DLGAP2: variants seen among roughly 807,000 people sequenced by gnomAD.
The protein encoded by DLGAP2 is disks large-associated protein 2.
A neutral mutation model predicts 100.3 loss-of-function variants in DLGAP2; 26 were observed. The observed-to-expected ratio is 0.26, with a 90% confidence interval of 0.19 to 0.36. DLGAP2 has a LOEUF of 0.36. DLGAP2 is among the 10% of genes least tolerant of loss of function. The pLI is 1.00. For synonymous variants in DLGAP2, 886 were observed against 630.1 expected, an observed-to-expected ratio of 1.41 and a Z score of -6.08; for missense variants, 1,858 against 1,453.2, an observed-to-expected ratio of 1.28 and a Z score of -4.53.
At chr8:1,193,358 C>T (rs892361454) in intron 2 of DLGAP2, among the ~76,000 whole-genome samples, 5 of 152,270 alleles carry the variant, frequency 3.3e-5, no homozygotes, top group Non-Finnish European at 5.9e-5. Context: ...TTTTAATGAT[C>T]GCCATTCTAA....
At chr8:927,208 G>T in intron 2 of DLGAP2, 1 of 985,414 alleles carries the variant, frequency 1.0e-6, no homozygotes, top group Non-Finnish European at 1.2e-6. Flanking sequence ...AGGTAAGAAC[G>T]CTGTTTATAG....
chr8:1,268,041 A>C (rs542230004), intron 3 of DLGAP2, among the ~76,000 whole-genome samples: 3 of 152,332 alleles, frequency 2.0e-5, no homozygotes, highest in African/African-American at 4.8e-5. Context: ...TGAACATACC[A>C]TCTGGTGTCT....
chr8:1,227,268 A>C (rs940814253), intron 2 of DLGAP2, among the ~76,000 whole-genome samples: 20 of 142,328 alleles, frequency 1.4e-4, no homozygotes, highest in African/African-American at 5.9e-4. Context: ...CAGCCTTATA[A>C]AAATAAGATC....
intron 2 of DLGAP2, among the ~76,000 whole-genome samples, chr8:944,684 T>G (rs998035670): frequency 1.3e-5 from 2 of 151,662 alleles, no homozygotes; most frequent in African/African-American, 4.9e-5. Context: ...CTGCGGGTGA[T>G]CCAGTGGTTG....
chr8:1,510,454 C>T (rs112340890), intron 4 of DLGAP2, among the ~76,000 whole-genome samples: 3,876 of 152,290 alleles, frequency 0.025, 64 homozygotes, highest in Middle Eastern at 0.034. Context: ...TGGGCCACTC[C>T]GTGAAAGTGC....
rs1453271359 is a variant in DLGAP2, at chr8:1,626,757, C to T, written c.1460C>T (p.Ala487Val). Residue 487 changes from alanine (A) to valine (V), a missense_variant, in exon 7 of 15, where the codon GCT becomes GTT. Physicochemically the swap from Ala to Val is moderately conservative, Grantham distance 64 (BLOSUM62 0). Coordinates refer to ENST00000637795, the MANE Select transcript of DLGAP2 (RefSeq NM_001346810.2). The stretch of plus-strand genomic sequence containing the variant: ...TCCTGTAGCCAGACCTACCTGCAAG[C>T]TGCAAGCGATGTGCCTGTGGGACAC... Reference protein sequence around the residue: ...GEHQTQTYLQAASDVPVGHSL... With the variant: ...GEHQTQTYLQVASDVPVGHSL... 6.2e-7 allele frequency: 1 copy of T among 1,603,500 alleles called. No homozygotes were observed. The highest frequency in any genetic ancestry group is 1.7e-5 in the Admixed American group (1 of 58,760).
At chr8:1,447,799 C>T (rs989784647) in intron 3 of DLGAP2, among the ~76,000 whole-genome samples, 14 of 152,188 alleles carry the variant, frequency 9.2e-5, no homozygotes, top group Non-Finnish European at 1.8e-4. Context: ...TCAACTTCTT[C>T]CTGGTTTAGT....
chr8:1,502,005 G>A (rs1458799783), intron 4 of DLGAP2, among the ~76,000 whole-genome samples: 2 of 152,208 alleles, frequency 1.3e-5, no homozygotes, highest in South Asian at 2.1e-4. Flanking sequence ...CTTTTGACAT[G>A]GAGCTATGCT....
intron 2 of DLGAP2, among the ~76,000 whole-genome samples, chr8:945,854 G>C (rs547944047): frequency 3.3e-5 from 5 of 151,526 alleles, no homozygotes; most frequent in Non-Finnish European, 7.4e-5. Flanking sequence ...GTGTCTCTTT[G>C]CCTACATTAA....
rs1802360204 is a variant in DLGAP2 at position 1,565,489 on chromosome 8, A to C, written c.1231-194A>C. ...TCCATAGTGTTTACCTATCACTTAT[A>C]ATGAAGAAAAACCAACATTTTTATA... On this transcript the variant is annotated intron_variant, in intron 5 of 14. Transcript: ENST00000637795. 7 of 552,872 alleles carry C rather than the reference A, an allele frequency of 1.3e-5. No individual in the cohort carries two copies. The South Asian group carries it at 1.9e-4, about 15-fold the overall frequency. The allele number at this position is 552,872 out of a possible 1,614,324, so 34.2% of individuals were successfully genotyped here.
chr8:798,464 A>G (rs28522774), intron 1 of DLGAP2, among the ~76,000 whole-genome samples: 1,932 of 31,636 alleles, frequency 0.061, no homozygotes, highest in Middle Eastern at 0.087. Context: ...CCCGGCGCTG[A>G]CCAGGTGATG....
chr8:1,050,020 A>T (rs1222440840), intron 2 of DLGAP2, among the ~76,000 whole-genome samples: 1 of 152,160 alleles, frequency 6.6e-6, no homozygotes, highest in African/African-American at 2.4e-5. Flanking sequence ...ATGTACACAC[A>T]TGCGGATATG....
rs1009530439 is a variant in DLGAP2 at position 1,637,158 on chromosome 8, G to A, written c.1810+4112G>A. Reference sequence around the variant, plus strand: ...TCCAGGTCCACATACCTCTGACCGGGCCCTTCACCCTCCTATCCTCCTTTC... The same window carrying A: ...TCCAGGTCCACATACCTCTGACCGGACCCTTCACCCTCCTATCCTCCTTTC... On this transcript the variant is annotated intron_variant, in intron 8 of 14. Coordinates refer to ENST00000637795, the MANE Select transcript of DLGAP2 (RefSeq NM_001346810.2). Among the ~76,000 whole-genome samples the A allele has an allele frequency of 2.0e-5, 3 of 152,192 alleles. No homozygotes were observed. In the East Asian group the frequency reaches 5.8e-4, roughly 29 times the overall value.
At chr8:1,318,648 G>T (rs11775819) in intron 3 of DLGAP2, among the ~76,000 whole-genome samples, 9,682 of 151,828 alleles carry the variant, frequency 0.064, 397 homozygotes, top group Middle Eastern at 0.16. Context: ...AATGGGATCT[G>T]TGGCTATAAG....
intron 1 of DLGAP2, among the ~76,000 whole-genome samples, chr8:744,166 G>T (rs56896874): frequency 2.0e-5 from 3 of 152,016 alleles, no homozygotes; most frequent in Admixed American, 2.0e-4. Context: ...CATCTTGTGC[G>T]TTGGGAAGAA....
Position 960,608 on chromosome 8 carries a change from G to T in DLGAP2, c.73+52642G>T, listed in dbSNP as rs573769990. ...ATCATAAAAGGCTACTCTCACTTGT[G>T]TTCATACAAAGACCGTTAATTGAAT... On this transcript the variant is annotated intron_variant, in intron 2 of 14. Coordinates refer to ENST00000637795, the MANE Select transcript of DLGAP2 (RefSeq NM_001346810.2). Among the ~76,000 whole-genome samples, 7 of 152,124 alleles carry T rather than the reference G, an allele frequency of 4.6e-5. No homozygotes were observed. In the South Asian group the frequency reaches 1.5e-3, roughly 32 times the overall value.
intron 3 of DLGAP2, among the ~76,000 whole-genome samples, chr8:1,274,695 CTTTTTTTTTTTTTTTTTT>C (rs145930765): frequency 4.5e-5 from 1 of 22,210 alleles, no homozygotes; most frequent in South Asian, 1.6e-3. Context: ...TTTCATTTAT[CTTTTTTTTTTTTTTTTTT>C]TTTTTTTTTT....
In DLGAP2 at chr8:1,534,674, A is replaced by AT. The variant is rs146672396; in HGVS notation, c.173-13946dup. On this transcript the variant is annotated intron_variant, in intron 4 of 14. Coordinates refer to ENST00000637795, the MANE Select transcript of DLGAP2 (RefSeq NM_001346810.2). ...TTTTAAAGATGTTTCTTAAAGATGG[A>AT]TTTTTTGTCCATCTCGCTATTGAAC... Among the ~76,000 whole-genome samples the AT allele has an allele frequency of 7.9e-3, 1,200 of 152,218 alleles. 14 individuals carry two copies. The highest frequency in any genetic ancestry group is 0.027 in the African/African-American group (1,101 of 41,532).
chr8:1,330,848 C>T, intron 3 of DLGAP2, among the ~76,000 whole-genome samples: 1 of 143,098 alleles, frequency 7.0e-6, no homozygotes, highest in South Asian at 2.3e-4. Flanking sequence ...AGCACAGCTT[C>T]ACAGGGACTG....
Sources: allele counts gnomAD v4.1 joint callset (sites outside exome capture counted in the v4.1 genomes callset), GRCh38; gene constraint gnomAD v4.1.1; transcripts MANE v1.5; gene names NCBI Gene and HGNC (gene_info 2026-07-23, HGNC 2026-07-21).